GRB10: variants seen among roughly 807,000 people sequenced by gnomAD.
The protein encoded by GRB10 is growth factor receptor-bound protein 10.
GRB10 carries 20 observed loss-of-function variants against 80.9 expected under a neutral mutation model. The ratio of observed to expected loss-of-function variants is 0.25; its 90% CI spans 0.17 to 0.36. The LOEUF is 0.36. Among genes scored for constraint, GRB10 ranks in the 10% least tolerant of loss-of-function variants. GRB10 has a pLI of 1.00. For synonymous variants in GRB10, 291 were observed against 291.5 expected, an observed-to-expected ratio of 1.00 and a Z score of 0.02; for missense variants, 548 against 747.7, an observed-to-expected ratio of 0.73 and a Z score of 3.12.
At chr7:50,713,656 A>C (rs2066312398) in intron 4 of GRB10, among the ~76,000 whole-genome samples, 1 of 113,316 alleles carries the variant, frequency 8.8e-6, no homozygotes. Context: ...CATCACCTCC[A>C]CCTCCTCCAC....
Position 50,612,879 on chromosome 7 carries a change from G to C in GRB10, c.1096-40C>G, listed in dbSNP as rs961593962. ...AGAAAGTCCTGTTAGTGTTACACAG[G>C]GAGTCAGAAACAGCTTCTGTCAAGG... is the stretch of plus-strand genomic sequence containing the variant. On this transcript the variant is annotated intron_variant, in intron 12 of 18. Transcript: ENST00000401949. 3 of 1,390,998 alleles carry C rather than the reference G, an allele frequency of 2.2e-6. No homozygotes were observed. In the South Asian group the frequency reaches 3.5e-5, roughly 16 times the overall value. 86.2% of individuals were successfully genotyped at this position (1,390,998 alleles called of 1,614,324 possible). A position where few individuals can be genotyped will look rare whatever the true frequency, so the allele number is the denominator to read the frequency against.
chr7:50,785,594 C>A (rs1037994515), upstream of GRB10, among the ~76,000 whole-genome samples: 24 of 152,256 alleles, frequency 1.6e-4, no homozygotes, highest in African/African-American at 5.3e-4. Flanking sequence ...CACAAGCCAG[C>A]CCCACATGTG....
intron 4 of GRB10, among the ~76,000 whole-genome samples, chr7:50,721,785 C>T (rs1309715922): frequency 1.3e-5 from 2 of 152,088 alleles, no homozygotes; most frequent in Middle Eastern, 3.2e-3. Flanking sequence ...GGAGGACAGA[C>T]GACAGCATAA....
chr7:50,756,096 T>G, intron 2 of GRB10, 40 bp from the exon 3 acceptor site: 1 of 398,648 alleles, frequency 2.5e-6, no homozygotes, highest in Non-Finnish European at 4.4e-6. Flanking sequence ...TTCCGTAGAA[T>G]TTATACAAAT....
intron 4 of GRB10, among the ~76,000 whole-genome samples, chr7:50,711,861 C>T (rs1361485772): frequency 6.6e-6 from 1 of 152,214 alleles, no homozygotes; most frequent in Non-Finnish European, 1.5e-5. Flanking sequence ...AGTTTACACA[C>T]ATTCCCACTT....
chr7:50,720,216 C>T (rs2067487993), intron 4 of GRB10, among the ~76,000 whole-genome samples: 1 of 152,186 alleles, frequency 6.6e-6, no homozygotes, highest in Admixed American at 6.5e-5. Flanking sequence ...AGGAAAACCT[C>T]ACAAAAGTTA....
In GRB10 at chr7:50,703,895, T is replaced by C. The variant is rs867270879; in HGVS notation, c.65A>G (p.Gln22Arg). 4 of 1,612,860 alleles carry C rather than the reference T, an allele frequency of 2.5e-6. No homozygotes were observed. The African/African-American group carries it at 5.3e-5, about 22-fold the overall frequency. The part of the protein sequence containing the change: ...HHPYYQDKVE[Q>R]TPRSQQDPAG... ...CGGGTCTTGTTGACTGCGAGGTGTCTGCTCCACCTTGTCCTAAAAAAACAG... is the reference window on the plus strand; with the variant it reads ...CGGGTCTTGTTGACTGCGAGGTGTCCGCTCCACCTTGTCCTAAAAAAACAG... The change falls in exon 5 of 19, where the codon CAG becomes CGG. Residue 22 changes from glutamine (Q) to arginine (R), a missense_variant. Physicochemically the swap from Gln to Arg is conservative, Grantham distance 43 (BLOSUM62 1). This residue lies in a region of GRB10 where 245 missense variants were observed against 229.3 expected (regional missense o/e 1.07). Coordinates refer to ENST00000401949, the MANE Select transcript of GRB10 (RefSeq NM_001350814.2).
chr7:50,746,924 C>G (rs1223138673), intron 3 of GRB10, among the ~76,000 whole-genome samples: 19 of 152,176 alleles, frequency 1.2e-4, no homozygotes, highest in Admixed American at 1.2e-3. Context: ...GTGCATTTCC[C>G]ACTTCAGGAG....
At chr7:50,670,644 C>A (rs2060262782) in intron 6 of GRB10, among the ~76,000 whole-genome samples, 1 of 151,994 alleles carries the variant, frequency 6.6e-6, no homozygotes, top group Non-Finnish European at 1.5e-5. Flanking sequence ...TCAGTGAATA[C>A]CTGATGTGTG....
At chr7:50,679,896 T>C (rs1242966634) in intron 5 of GRB10, among the ~76,000 whole-genome samples, 1 of 152,234 alleles carries the variant, frequency 6.6e-6, no homozygotes, top group Non-Finnish European at 1.5e-5. Flanking sequence ...TTCTAACCAA[T>C]TAAAACTTTG....
chr7:50,734,189 C>T (rs1387039296), intron 3 of GRB10, among the ~76,000 whole-genome samples: 1 of 152,130 alleles, frequency 6.6e-6, no homozygotes, highest in Non-Finnish European at 1.5e-5. Flanking sequence ...CAGGACCATG[C>T]CTGGATGTCT....
intron 2 of GRB10, among the ~76,000 whole-genome samples, chr7:50,772,663 CAT>C (rs757558628): frequency 1.3e-5 from 2 of 152,170 alleles, no homozygotes; most frequent in Non-Finnish European, 2.9e-5. Flanking sequence ...TAGAAGAAAA[CAT>C]ATGCAAAAAT....
chr7:50,723,498 ACC>A (rs1451733031), intron 4 of GRB10, among the ~76,000 whole-genome samples: 1 of 152,196 alleles, frequency 6.6e-6, no homozygotes, highest in African/African-American at 2.4e-5. Context: ...TGAAGGATGA[ACC>A]CCTCAGCCAG....
intron 4 of GRB10, among the ~76,000 whole-genome samples, chr7:50,717,473 G>A (rs964358960): frequency 6.6e-5 from 10 of 151,974 alleles, no homozygotes; most frequent in African/African-American, 1.5e-4. Context: ...GTGTGCATGC[G>A]CATGCGTCAC....
intron 3 of GRB10, among the ~76,000 whole-genome samples, chr7:50,739,195 C>T (rs1191543941): frequency 6.6e-6 from 1 of 151,964 alleles, no homozygotes; most frequent in East Asian, 1.9e-4. Context: ...TTTGTTTTTC[C>T]ATGTTAGGGC....
intron 7 of GRB10, among the ~76,000 whole-genome samples, chr7:50,652,667 C>A (rs1586387432): frequency 2.0e-5 from 3 of 152,180 alleles, no homozygotes; most frequent in African/African-American, 7.2e-5. Context: ...TGCTTGCTAA[C>A]AACCAAGCCC....
intron 2 of GRB10, among the ~76,000 whole-genome samples, chr7:50,776,317 G>A (rs2077640668): frequency 6.6e-6 from 1 of 151,828 alleles, no homozygotes; most frequent in African/African-American, 2.4e-5. Context: ...AGACTCAAGT[G>A]ATCTTCCCAC....
intron 7 of GRB10, among the ~76,000 whole-genome samples, chr7:50,662,006 G>C (rs1368597387): frequency 6.6e-6 from 1 of 152,194 alleles, no homozygotes; most frequent in African/African-American, 2.4e-5. Flanking sequence ...ATTTCTTGCA[G>C]CCAAAGGCAT....
chr7:50,662,701 T>C (rs77863870), intron 7 of GRB10, among the ~76,000 whole-genome samples: 1,620 of 152,320 alleles, frequency 0.011, 31 homozygotes, highest in African/African-American at 0.036. Context: ...AAATAGTCTC[T>C]CCCTTGCAGC....
Sources: gnomAD v4.1 joint callset for allele counts (sites outside exome capture counted in the v4.1 genomes callset) on GRCh38, gnomAD v4.1.1 for gene constraint, gnomAD v4.1.1 regional missense constraint, MANE v1.5 for transcripts, NCBI Gene and HGNC (gene_info 2026-07-23, HGNC 2026-07-21) for gene names.